Variants in TEX14 observed in about 807,000 individuals in gnomAD.
The protein encoded by TEX14 is testis expressed 14, intercellular bridge forming factor.
Under a neutral mutation model 178.6 loss-of-function variants are expected in TEX14, and 168 were observed. The observed-to-expected ratio is 0.94, with a 90% confidence interval of 0.83 to 1.07. The LOEUF is 1.07. Ranked by LOEUF, TEX14 falls within the 50% of genes least tolerant of loss-of-function variation. The pLI, the probability that TEX14 is intolerant of heterozygous loss-of-function variation, is 0.00. For synonymous variants in TEX14, 626 were observed against 634.1 expected (o/e 0.99, Z 0.19); for missense variants, 1,730 against 1,753.6 (o/e 0.99, Z 0.24).
chr17:58,569,503 C>T lies in TEX14; in HGVS notation c.3818-243G>A, dbSNP rs1254954644. Reference sequence around the variant, plus strand: ...TACATCAGCCCTTACCCTGGTACTGCTTGATCTATGCCCCTCCCTTCCTAA... The same window carrying T: ...TACATCAGCCCTTACCCTGGTACTGTTTGATCTATGCCCCTCCCTTCCTAA... On this transcript the variant is annotated intron_variant, in intron 25 of 31. Transcript: ENST00000349033. This position sits in a 1 kb window ranked among gnomAD's most constrained non-coding sequence, Gnocchi z 4.1. Among the ~76,000 whole-genome samples the T allele has an allele frequency of 6.6e-6, 1 of 152,172 alleles. No homozygotes were observed. Among genetic ancestry groups the T allele is most frequent in the Non-Finnish European group, 1.5e-5 (1 of 68,018 alleles).
Position 58,621,665 on chromosome 17 carries a change from C to G in TEX14, c.539G>C (p.Gly180Ala), listed in dbSNP as rs577295393. ...CAGTACTCACCCCTGCACGAGGCCC[C>G]CACACCAGGACGGGCTGTAGACAAG... ...QRLVYSPSWC[G>A]GLVQGNPNGS... is the part of the protein sequence containing the mutation. The change falls in exon 5 of 32, where the codon GGG becomes GCG. Residue 180 changes from glycine (G) to alanine (A), a missense_variant. This residue lies in a region of TEX14 where 789 missense variants were observed against 681.2 expected (regional missense o/e 1.16). Coordinates refer to ENST00000349033, the MANE Select transcript of TEX14 (RefSeq NM_031272.5). 24 of 1,613,868 alleles carry G rather than the reference C, an allele frequency of 1.5e-5. No individual in the cohort carries two copies. In the South Asian group the frequency reaches 2.3e-4, roughly 16 times the overall value.
intron 28 of TEX14, among the ~76,000 whole-genome samples, chr17:58,563,701 AGCGC>A (rs1567989101): frequency 2.9e-4 from 5 of 17,536 alleles, no homozygotes; most frequent in African/African-American, 9.7e-4. Flanking sequence ...AGAGAGAGAG[AGCGC>A]AAGATCATAC....
intron 1 of TEX14, among the ~76,000 whole-genome samples, 198 bp downstream of exon 1, chr17:58,691,741 G>T (rs773631801): frequency 2.0e-5 from 3 of 150,920 alleles, no homozygotes; most frequent in Non-Finnish European, 4.4e-5. Context: ...ACTCACCTAG[G>T]CAAGGAAGGA....
intron 19 of TEX14, among the ~76,000 whole-genome samples, chr17:58,583,856 AT>A (rs1443204036): frequency 6.6e-6 from 1 of 152,208 alleles, no homozygotes; most frequent in Non-Finnish European, 1.5e-5. Context: ...AAGACCTTAC[AT>A]TTTATCACTA....
Position 58,605,148 on chromosome 17 carries a change from A to G in TEX14, c.1185-19T>C. ...GTCCTCGCTACGGAAGGAAACTCAC[A>G]AGTCAGCGCTCATGCCTTAAAGGGT... is the stretch of plus-strand genomic sequence containing the variant. On this transcript the variant is annotated intron_variant, in intron 10 of 31. Transcript: ENST00000349033. 6.2e-7 allele frequency: 1 copy of G among 1,611,954 alleles called. No homozygotes were observed. The highest frequency in any genetic ancestry group is 2.2e-5 in the East Asian group (1 of 44,826).
rs749617237 is a variant in TEX14 at position 58,585,829 on chromosome 17, G to T, written c.3042C>A (p.Gly1014=). ...GNNDCDSDQH[G]RQPRLGSFTS... ...TGAAGCTTCCAAGCCTGGGCTGTCT[G>T]CCATGCTGGTCACTGTCACAGTCAT... The change falls in exon 18 of 32, where the codon GGC becomes GGA. Residue 1014 remains glycine, a synonymous_variant. Coordinates refer to ENST00000349033, the MANE Select transcript of TEX14 (RefSeq NM_031272.5). 1.9e-6 allele frequency: 3 copies of T among 1,613,908 alleles called. No individual in the cohort carries two copies. Among genetic ancestry groups the T allele is most frequent in the Non-Finnish European group, 2.5e-6 (3 of 1,180,010 alleles).
chr17:58,673,654 T>C (rs1432385892), intron 1 of TEX14, among the ~76,000 whole-genome samples: 2 of 152,134 alleles, frequency 1.3e-5, no homozygotes, highest in Non-Finnish European at 2.9e-5. Flanking sequence ...CTCAACCTCT[T>C]GGGCTCAGGT....
intron 5 of TEX14, among the ~76,000 whole-genome samples, chr17:58,618,854 G>A (rs557981582): frequency 4.6e-5 from 7 of 152,212 alleles, no homozygotes; most frequent in Non-Finnish European, 8.8e-5. Context: ...GATAAACTGA[G>A]CATCCCAATT....
intron 1 of TEX14, among the ~76,000 whole-genome samples, chr17:58,674,033 G>A (rs1415871692): frequency 6.6e-6 from 1 of 152,138 alleles, no homozygotes; most frequent in East Asian, 1.9e-4. Flanking sequence ...TGGCACTTTG[G>A]GAGGCCAAGG....
At chr17:58,683,052 C>CAAAAAAAAAAAA (rs1194798521) in intron 1 of TEX14, among the ~76,000 whole-genome samples, 15 of 54,034 alleles carry the variant, frequency 2.8e-4, no homozygotes, top group African/African-American at 1.0e-3. Flanking sequence ...GAGTCTGTCT[C>CAAAAAAAAAAAA]AAAAAAAAAA....
chr17:58,627,157 T>G (rs1331872382), intron 3 of TEX14, among the ~76,000 whole-genome samples: 1 of 152,168 alleles, frequency 6.6e-6, no homozygotes, highest in Non-Finnish European at 1.5e-5. Flanking sequence ...CTTCAGAAGC[T>G]GGGCTCCTTC....
At chr17:58,631,884 TA>T (rs1453671394) in intron 2 of TEX14, 7 of 152,204 alleles carry the variant, frequency 4.6e-5, no homozygotes, top group Non-Finnish European at 1.0e-4. Context: ...TCACACATAT[TA>T]TGCTGATGGT....
chr17:58,650,017 G>A (rs302844), intron 2 of TEX14, among the ~76,000 whole-genome samples: 36,331 of 151,738 alleles, frequency 0.24, 5,232 homozygotes, highest in Middle Eastern at 0.41. Context: ...TGGGATTACA[G>A]GCGTGTGCCA....
chr17:58,658,254 G>A (rs894446302), intron 1 of TEX14, among the ~76,000 whole-genome samples: 1 of 152,146 alleles, frequency 6.6e-6, no homozygotes, highest in Non-Finnish European at 1.5e-5. Context: ...CTGTCTTGAT[G>A]AATTGGCTCT....
chr17:58,682,881 G>A (rs2047136142), intron 1 of TEX14, among the ~76,000 whole-genome samples: 1 of 151,966 alleles, frequency 6.6e-6, no homozygotes, highest in South Asian at 2.1e-4. Context: ...CAGAGGTCCT[G>A]CATACCTTAA....
chr17:58,635,714 G>A lies in TEX14; in HGVS notation c.137-5160C>T, dbSNP rs918399032. On this transcript the variant is annotated intron_variant, in intron 2 of 31. Transcript: ENST00000349033. ...AAAAGTGCTGGGATTACAGGCATGAGCCACTGCGCCCAGCCCACCAAGGGC... is the reference window on the plus strand; with the variant it reads ...AAAAGTGCTGGGATTACAGGCATGAACCACTGCGCCCAGCCCACCAAGGGC... 9.2e-5 allele frequency among the ~76,000 whole-genome samples: 14 copies of A among 152,044 alleles called. No individual in the cohort carries two copies. In the East Asian group the frequency reaches 2.7e-3, roughly 29 times the overall value.
Position 58,593,444 on chromosome 17 carries a change from A to C in TEX14, c.2576+111T>G, listed in dbSNP as rs1752551006. Reference sequence around the variant, plus strand: ...CTGCCAATCTGCATTACTCTTCTTCATCACTCACAGTCCTTTTGTCACTAG... The same window carrying C: ...CTGCCAATCTGCATTACTCTTCTTCCTCACTCACAGTCCTTTTGTCACTAG... On this transcript the variant is annotated intron_variant, in intron 15 of 31. Transcript: ENST00000349033. The C allele has an allele frequency of 1.4e-5, 11 of 800,984 alleles. No homozygotes were observed. The South Asian group carries it at 1.7e-4, about 13-fold the overall frequency. The allele number at this position is 800,984 out of a possible 1,614,324, so 49.6% of individuals were successfully genotyped here. A position where few individuals can be genotyped will look rare whatever the true frequency, so the allele number is the denominator to read the frequency against.
chr17:58,574,406 G>A (rs868318974), intron 21 of TEX14, among the ~76,000 whole-genome samples, 157 bp from the exon 22 acceptor site: 4 of 152,068 alleles, frequency 2.6e-5, no homozygotes, highest in South Asian at 2.1e-4. Context: ...TGCCAGGCAC[G>A]TTGGCTCACG....
At chr17:58,566,159 A>C (rs2044393062) in intron 26 of TEX14, among the ~76,000 whole-genome samples, 1 of 152,238 alleles carries the variant, frequency 6.6e-6, no homozygotes, top group Non-Finnish European at 1.5e-5. Context: ...TGATGATCAT[A>C]CATAACACTT....
Sources: gnomAD v4.1 joint callset for allele counts (sites outside exome capture counted in the v4.1 genomes callset) on GRCh38, gnomAD v4.1.1 for gene constraint, gnomAD v4.1.1 regional missense constraint, Gnocchi (gnomAD v3.1) non-coding constraint, MANE v1.5 for transcripts, NCBI Gene and HGNC (gene_info 2026-07-23, HGNC 2026-07-21) for gene names.